The following TMC1 variants were observed in gnomAD, a reference collection of about 807,000 sequenced individuals.
TMC1 encodes transmembrane channel like 1.
In TMC1, 84 loss-of-function variants were observed where a neutral mutation model predicts 105.8. The observed-to-expected ratio is 0.79, with a 90% CI of 0.67 to 0.95. The LOEUF (loss-of-function observed/expected upper bound fraction) is 0.95. Ranked by LOEUF, TMC1 falls within the 40% of genes least tolerant of loss-of-function variation. The probability of loss-of-function intolerance (pLI) is 0.00; values close to 1 mark genes in which losing one functional copy is unlikely to be tolerated. For missense variants in TMC1, 817 were observed against 914.1 expected (o/e 0.89, Z 1.37); for synonymous variants, 315 against 311.5 (o/e 1.01, Z -0.12).
chr9:72,814,668 C>T (rs1373643314), intron 18 of TMC1, among the ~76,000 whole-genome samples: 1 of 152,166 alleles, frequency 6.6e-6, no homozygotes, highest in Non-Finnish European at 1.5e-5. Flanking sequence ...TTCCCTGAAT[C>T]TGTTACAAGG....
At chr9:72,751,825 A>G in intron 10 of TMC1, 25 bp from the exon 11 acceptor site, 1 of 1,509,644 alleles carries the variant, frequency 6.6e-7, no homozygotes, top group Non-Finnish European at 9.2e-7. Context: ...ATCTCTCTTC[A>G]AACTTTTTAT....
At chr9:72,770,932 G>A (rs1479114806) in intron 12 of TMC1, among the ~76,000 whole-genome samples, 2 of 152,192 alleles carry the variant, frequency 1.3e-5, no homozygotes, top group Non-Finnish European at 2.9e-5. Context: ...CCATGCTGGG[G>A]AGGGCAATCT....
intron 8 of TMC1, among the ~76,000 whole-genome samples, chr9:72,729,590 C>T (rs1827174441): frequency 6.6e-6 from 1 of 152,036 alleles, no homozygotes; most frequent in African/African-American, 2.4e-5. Flanking sequence ...AGCTTTTTAG[C>T]CCAATCTTCC....
chr9:72,782,378 C>G (rs1828107011), intron 13 of TMC1, among the ~76,000 whole-genome samples: 1 of 152,166 alleles, frequency 6.6e-6, no homozygotes, highest in African/African-American at 2.4e-5. Context: ...AAGCTGGAAG[C>G]ATTATCCTTG....
chr9:72,806,992 G>A (rs532069607), intron 18 of TMC1, among the ~76,000 whole-genome samples: 20 of 152,320 alleles, frequency 1.3e-4, no homozygotes, highest in African/African-American at 4.1e-4. Flanking sequence ...CTGAGTGAAC[G>A]AGACTCCGTC....
At chr9:72,675,299 T>C (rs973759597) in intron 5 of TMC1, among the ~76,000 whole-genome samples, 11 of 152,148 alleles carry the variant, frequency 7.2e-5, no homozygotes, top group African/African-American at 2.4e-4. Context: ...CTTCTGAGGC[T>C]ACTAATAGAA....
At chr9:72,752,391 GA>G (rs1470347659) in intron 11 of TMC1, among the ~76,000 whole-genome samples, 6 of 151,290 alleles carry the variant, frequency 4.0e-5, no homozygotes, top group African/African-American at 1.5e-4. Flanking sequence ...TTTCTATACT[GA>G]AGAAACACAA....
intron 1 of TMC1, among the ~76,000 whole-genome samples, chr9:72,543,426 A>C (rs1212999964): frequency 6.6e-6 from 1 of 152,170 alleles, no homozygotes; most frequent in Non-Finnish European, 1.5e-5. Flanking sequence ...ATTGGTCTTC[A>C]TATTTTCACT....
At chr9:72,707,236 T>C (rs1267419752) in intron 8 of TMC1, among the ~76,000 whole-genome samples, 1 of 152,246 alleles carries the variant, frequency 6.6e-6, no homozygotes, top group East Asian at 1.9e-4. Context: ...GTAAGTATCC[T>C]TTTTGTTTAA....
At chr9:72,683,933 C>T (rs1826335681) in intron 5 of TMC1, among the ~76,000 whole-genome samples, 1 of 150,230 alleles carries the variant, frequency 6.7e-6, no homozygotes, top group Non-Finnish European at 1.5e-5. Context: ...CTTTTTCTTT[C>T]TTTTCTTCTC....
intron 19 of TMC1, among the ~76,000 whole-genome samples, chr9:72,818,295 G>A (rs73489093): frequency 0.022 from 3,328 of 152,242 alleles, 111 homozygotes; most frequent in African/African-American, 0.075. Context: ...GGTTATTTAC[G>A]CAGATGTTGT....
At chr9:72,756,425 C>G (rs1189563758) in intron 12 of TMC1, among the ~76,000 whole-genome samples, 2 of 152,066 alleles carry the variant, frequency 1.3e-5, no homozygotes, top group Non-Finnish European at 1.5e-5. Flanking sequence ...TGGATTTTAC[C>G]TCTCTTTTCT....
intron 5 of TMC1, among the ~76,000 whole-genome samples, chr9:72,680,826 G>T (rs1752102519): frequency 6.6e-6 from 1 of 152,134 alleles, no homozygotes. Context: ...CAAAGGAAGG[G>T]TAAAGATGTG....
At chr9:72,695,115 G>A (rs1431567979) in intron 7 of TMC1, among the ~76,000 whole-genome samples, 2 of 152,052 alleles carry the variant, frequency 1.3e-5, no homozygotes, top group African/African-American at 4.8e-5. Flanking sequence ...CAGCCCAAGA[G>A]GTAAGAATGG....
In TMC1 at chr9:72,820,851, C is replaced by A; in HGVS notation, c.1773C>A (p.Ser591=). 6.2e-7 allele frequency: 1 copy of A among 1,614,130 alleles called. No homozygotes were observed. The highest frequency in any genetic ancestry group is 8.5e-7 in the Non-Finnish European group (1 of 1,180,024). ...TCTGTTTTCTTTCTAGGATGGGCTCCTTCTTTGCTCCCAGCCTCCCAGGCA... is the reference window on the plus strand; with the variant it reads ...TCTGTTTTCTTTCTAGGATGGGCTCATTCTTTGCTCCCAGCCTCCCAGGCA... ...IFNQGMIWMG[S]FFAPSLPGIN... The change falls in exon 20 of 24, where the codon TCC becomes TCA. Residue 591 remains serine (S), a synonymous_variant. Coordinates refer to ENST00000297784, the MANE Select transcript of TMC1 (RefSeq NM_138691.3).
intron 8 of TMC1, among the ~76,000 whole-genome samples, chr9:72,736,006 G>T (rs544983520): frequency 2.1e-4 from 32 of 152,090 alleles, no homozygotes; most frequent in Non-Finnish European, 3.4e-4. Flanking sequence ...TGGGGGTGCT[G>T]GCAGGGATCT....
intron 17 of TMC1, among the ~76,000 whole-genome samples, chr9:72,802,458 C>A (rs901124328): frequency 1.4e-4 from 21 of 152,024 alleles, no homozygotes; most frequent in Admixed American, 3.9e-4. Context: ...TCAGCAAATG[C>A]AAAATAACTG....
intron 3 of TMC1, among the ~76,000 whole-genome samples, chr9:72,627,470 C>G (rs1825368266): frequency 6.6e-6 from 1 of 152,152 alleles, no homozygotes; most frequent in Admixed American, 6.5e-5. Flanking sequence ...TCATTTGGCT[C>G]CTCTAATCCT....
intron 5 of TMC1, among the ~76,000 whole-genome samples, chr9:72,680,944 C>A (rs910340407): frequency 6.6e-6 from 1 of 152,056 alleles, no homozygotes; most frequent in Non-Finnish European, 1.5e-5. Context: ...ATTTTGTTTG[C>A]TTATCCATGA....
Sources: gnomAD v4.1 joint callset for allele counts (sites outside exome capture counted in the v4.1 genomes callset) on GRCh38, gnomAD v4.1.1 for gene constraint, MANE v1.5 for transcripts, NCBI Gene and HGNC (gene_info 2026-07-23, HGNC 2026-07-21) for gene names.